Variants in USP39 observed in about 807,000 individuals in gnomAD.
The protein encoded by USP39 is ubiquitin carboxyl-terminal hydrolase 39.
Under a neutral mutation model 66.4 loss-of-function variants are expected in USP39, and 38 were observed. That is an observed-to-expected ratio of 0.57 (90% confidence interval 0.44 to 0.75). The LOEUF is 0.75. Ranked by LOEUF, USP39 falls within the 30% of genes least tolerant of loss-of-function variation. The pLI is 0.00. For missense variants in USP39, 608 were observed against 714.4 expected, an observed-to-expected ratio of 0.85 and a Z score of 1.70; for synonymous variants, 303 against 274.6, an observed-to-expected ratio of 1.10 and a Z score of -1.02.
At chr2:85,647,442 G>T (rs982082532) in intron 11 of USP39, among the ~76,000 whole-genome samples, 2 of 151,978 alleles carry the variant, frequency 1.3e-5, no homozygotes, top group African/African-American at 4.8e-5. Flanking sequence ...AGGCTGAGGC[G>T]GGAGGATCTT....
chr2:85,632,129 T>C (rs939102445), intron 6 of USP39, among the ~76,000 whole-genome samples: 2 of 152,228 alleles, frequency 1.3e-5, no homozygotes, highest in Non-Finnish European at 2.9e-5. Flanking sequence ...ACTTTGTACC[T>C]GAATCTCATA....
chr2:85,642,730 C>T (rs778644135), intron 10 of USP39, among the ~76,000 whole-genome samples: 6 of 152,160 alleles, frequency 3.9e-5, no homozygotes, highest in Non-Finnish European at 8.8e-5. Context: ...ATTGTCCATA[C>T]TTCTTGAAAA....
At chr2:85,614,544 C>T (rs1387889354), upstream of USP39, among the ~76,000 whole-genome samples, 2 of 152,132 alleles carry the variant, frequency 1.3e-5, no homozygotes, top group Admixed American at 1.3e-4. Flanking sequence ...AGTGAAAGTA[C>T]AGCTACTCCA....
chr2:85,643,663 T>C (rs904408140), intron 10 of USP39, among the ~76,000 whole-genome samples: 4 of 126,128 alleles, frequency 3.2e-5, no homozygotes, highest in Non-Finnish European at 6.6e-5. Flanking sequence ...TTTTTTTTTT[T>C]TGGAGATGGA....
At chr2:85,644,717 G>A (rs1432486480) in intron 10 of USP39, among the ~76,000 whole-genome samples, 1 of 151,408 alleles carries the variant, frequency 6.6e-6, no homozygotes, top group Non-Finnish European at 1.5e-5. Context: ...GCCACTGCCT[G>A]TCATTCTTTT....
At chr2:85,611,568 C>G (rs760122974), upstream of USP39, 138 of 1,551,006 alleles carry the variant, frequency 8.9e-5, no homozygotes, top group Admixed American at 3.5e-4. Flanking sequence ...ACGAGATGAG[C>G]TGAACCTTAG....
At chr2:85,616,565 AGGGGTGGGGTT>A in intron 1 of USP39, 102 bp downstream of exon 1, 5 of 66,096 alleles carry the variant, frequency 7.6e-5, no homozygotes, top group Non-Finnish European at 1.3e-4. Context: ...GAGTTGGGGG[AGGGGTGGGGTT>A]GGGGTGGAGA....
upstream of USP39, chr2:85,612,377 A>G (rs1673620629): frequency 3.3e-6 from 5 of 1,535,286 alleles, no homozygotes; most frequent in Admixed American, 5.9e-5. Flanking sequence ...GATGCTGTGC[A>G]ATCCATCGCC....
chr2:85,626,878 T>G (rs1213235786), intron 5 of USP39, among the ~76,000 whole-genome samples: 1 of 151,210 alleles, frequency 6.6e-6, no homozygotes, highest in African/African-American at 2.4e-5. Flanking sequence ...CCACTGTGCC[T>G]GGCTAAGTTT....
At chr2:85,609,589 G>A, upstream of USP39, 1 of 1,614,054 alleles carries the variant, frequency 6.2e-7, no homozygotes, top group Non-Finnish European at 8.5e-7. Flanking sequence ...AGAGACATCT[G>A]GAAGGATGAA....
At chr2:85,642,827 G>A (rs1226117406) in intron 10 of USP39, among the ~76,000 whole-genome samples, 1 of 152,036 alleles carries the variant, frequency 6.6e-6, no homozygotes, top group Non-Finnish European at 1.5e-5. Flanking sequence ...ATGGTGATTA[G>A]GCACCCTCTG....
chr2:85,611,970 C>T (rs779179161), upstream of USP39: 3 of 1,522,402 alleles, frequency 2.0e-6, no homozygotes, highest in South Asian at 1.2e-5. Context: ...GCCGGGGATG[C>T]GGCCCCGCCT....
upstream of USP39, among the ~76,000 whole-genome samples, chr2:85,613,735 G>T (rs1474196833): frequency 1.3e-5 from 2 of 152,206 alleles, no homozygotes; most frequent in East Asian, 3.9e-4. Flanking sequence ...TTCTCTGGGA[G>T]GAAGAGGATA....
upstream of USP39, chr2:85,608,776 G>T: frequency 8.8e-6 from 3 of 340,430 alleles, no homozygotes; most frequent in East Asian, 6.6e-5. Flanking sequence ...ATATAAGAAA[G>T]AATGACTGCA....
At chr2:85,648,587 A>T (rs915643218) in intron 12 of USP39, among the ~76,000 whole-genome samples, 174 bp from the exon 13 acceptor site, 1 of 152,240 alleles carries the variant, frequency 6.6e-6, no homozygotes, top group Non-Finnish European at 1.5e-5. Context: ...CCTTCTAGAG[A>T]TAACTTTTTT....
chr2:85,641,045 T>C lies in USP39; in HGVS notation c.1354T>C (p.Phe452Leu). The C allele has an allele frequency of 6.2e-7, 1 of 1,614,002 alleles. No homozygotes were observed. Among genetic ancestry groups the C allele is most frequent in the Non-Finnish European group, 8.5e-7 (1 of 1,179,988 alleles). The change falls in exon 10 of 13, where the codon TTT becomes CTT. Residue 452 changes from phenylalanine (F) to leucine (L), a missense_variant. By Grantham distance (22) the Phe-to-Leu change is conservative. This residue lies in a region of USP39 where 164 missense variants were observed against 250.3 expected (regional missense o/e 0.66). Coordinates refer to ENST00000323701, the MANE Select transcript of USP39 (RefSeq NM_006590.4). ...QLTKLPPYLI[F>L]CIKRFTKNNF... The stretch of plus-strand genomic sequence containing the variant: ...TACCAAGTTGCCTCCATATCTAATC[T>C]TTTGTATCAAGAGATTCACTAAGAA...
At chr2:85,611,838 CCAGGA>C, upstream of USP39, 1 of 1,603,074 alleles carries the variant, frequency 6.2e-7, no homozygotes, top group Non-Finnish European at 8.5e-7. Flanking sequence ...CCAGGCCAGG[CCAGGA>C]GTGGTGGCGG....
intron 3 of USP39, among the ~76,000 whole-genome samples, chr2:85,622,075 C>T (rs528464837): frequency 6.6e-6 from 1 of 152,152 alleles, no homozygotes; most frequent in South Asian, 2.1e-4. Flanking sequence ...CTGTCTTGGC[C>T]TCCCACAGTG....
intron 5 of USP39, among the ~76,000 whole-genome samples, chr2:85,628,745 C>T (rs1244688024): frequency 6.6e-6 from 1 of 152,098 alleles, no homozygotes; most frequent in Non-Finnish European, 1.5e-5. Flanking sequence ...TTTGTCCATC[C>T]TCTTGTTTTG....
Sources: allele counts gnomAD v4.1 joint callset (sites outside exome capture counted in the v4.1 genomes callset), GRCh38; gene constraint gnomAD v4.1.1; regional missense constraint gnomAD v4.1.1; transcripts MANE v1.5; gene names NCBI Gene and HGNC (gene_info 2026-07-23, HGNC 2026-07-21).